CDH23: variants seen among roughly 807,000 people sequenced by gnomAD.
The protein encoded by CDH23 is cadherin related 23.
A neutral mutation model predicts 317.1 loss-of-function variants in CDH23; 189 were observed. The ratio of observed to expected loss-of-function variants is 0.60; its 90% CI spans 0.53 to 0.67. The LOEUF is 0.67. CDH23 is among the 30% of genes least tolerant of loss of function. The pLI is 0.00. For synonymous variants in CDH23, 1,839 were observed against 1,876.8 expected (o/e 0.98, Z 0.52); for missense variants, 4,401 against 4,592.4 (o/e 0.96, Z 1.20).
At chr10:71,454,411 T>C (rs933369125) in intron 3 of CDH23, among the ~76,000 whole-genome samples, 1 of 152,226 alleles carries the variant, frequency 6.6e-6, no homozygotes, top group African/African-American at 2.4e-5. Context: ...TCAGACAAGC[T>C]TCCTGGTTGC....
chr10:71,713,089 C>T (rs1488901585), intron 28 of CDH23: 1 of 761,022 alleles, frequency 1.3e-6, no homozygotes, highest in South Asian at 1.4e-5. Context: ...CCCGCCCCAC[C>T]CAGAAGGGCC....
At chr10:71,742,123 A>G in intron 38 of CDH23, 1 of 589,592 alleles carries the variant, frequency 1.7e-6, no homozygotes, top group Non-Finnish European at 3.0e-6. Context: ...CTGGGGTGCT[A>G]GTTTGGCCTC....
chr10:71,746,291 C>T (rs531943154), intron 38 of CDH23, among the ~76,000 whole-genome samples: 2 of 152,332 alleles, frequency 1.3e-5, no homozygotes, highest in East Asian at 1.9e-4. Flanking sequence ...TAAGACCCTC[C>T]CCAGAGCCAA....
intron 3 of CDH23, among the ~76,000 whole-genome samples, chr10:71,450,101 G>A (rs528840684): frequency 6.6e-6 from 1 of 152,262 alleles, no homozygotes; most frequent in East Asian, 1.9e-4. Flanking sequence ...GGAATGCGTG[G>A]AGTGGCGTGA....
chr10:71,813,904 CA>C (rs1029836674), intron 69 of CDH23, among the ~76,000 whole-genome samples: 2 of 149,656 alleles, frequency 1.3e-5, no homozygotes, highest in African/African-American at 4.9e-5. Flanking sequence ...AGACTTGTCT[CA>C]AAAAAAAAGG....
At chr10:71,653,322 G>A (rs1863267721) in intron 14 of CDH23, among the ~76,000 whole-genome samples, 1 of 152,174 alleles carries the variant, frequency 6.6e-6, no homozygotes. Context: ...AATCCTGGAG[G>A]ACTTCAAATG....
intron 3 of CDH23, among the ~76,000 whole-genome samples, chr10:71,486,525 G>A (rs1203878138): frequency 6.6e-6 from 1 of 152,158 alleles, no homozygotes; most frequent in Non-Finnish European, 1.5e-5. Flanking sequence ...TCAGCTGCAA[G>A]TAATGTGGCA....
intron 38 of CDH23, chr10:71,752,064 G>A: frequency 2.8e-6 from 2 of 706,912 alleles, no homozygotes; most frequent in East Asian, 2.7e-5. Context: ...CCTGAGCTGA[G>A]GGCATCAGGG....
chr10:71,794,468 T>C (rs1841350744), intron 48 of CDH23: 1 of 152,258 alleles, frequency 6.6e-6, no homozygotes, highest in Non-Finnish European at 1.5e-5. Context: ...ATGTATGTAG[T>C]TTATTGTAAT....
At chr10:71,747,089 A>T (rs761807910) in intron 38 of CDH23, among the ~76,000 whole-genome samples, 1 of 151,982 alleles carries the variant, frequency 6.6e-6, no homozygotes, top group East Asian at 1.9e-4. Flanking sequence ...GTACATCCAG[A>T]CCCTTCCCTT....
chr10:71,781,352 T>C (rs1404313412), intron 41 of CDH23, among the ~76,000 whole-genome samples: 1 of 152,230 alleles, frequency 6.6e-6, no homozygotes, highest in Non-Finnish European at 1.5e-5. Flanking sequence ...GGCCAAGCAC[T>C]AGGCCTTCCT....
In CDH23 at chr10:71,809,324, A is replaced by G. The variant is rs149565802; in HGVS notation, c.8723-496A>G. On this transcript the variant is annotated intron_variant, in intron 60 of 69. Coordinates refer to ENST00000224721, the MANE Select transcript of CDH23 (RefSeq NM_022124.6). ...CTGCCAAGTAGCTGGGATTAGGTGC[A>G]TGCACCACCATGCCTGGCTAGATTT... 1.1e-4 allele frequency among the ~76,000 whole-genome samples: 16 copies of G among 151,866 alleles called. No homozygotes were observed. In the East Asian group the frequency reaches 3.1e-3, roughly 29 times the overall value.
chr10:71,627,489 C>A (rs946889490), intron 11 of CDH23, among the ~76,000 whole-genome samples: 2 of 152,190 alleles, frequency 1.3e-5, no homozygotes, highest in African/African-American at 4.8e-5. Context: ...GTGGCCTCTG[C>A]CATGAGTCAG....
At chr10:71,589,781 T>C (rs1422966741) in intron 9 of CDH23, among the ~76,000 whole-genome samples, 1 of 152,216 alleles carries the variant, frequency 6.6e-6, no homozygotes, top group Admixed American at 6.5e-5. Flanking sequence ...GGAACCCACA[T>C]TGGGAAAGGT....
At chr10:71,758,302 T>G (rs975016337) in intron 38 of CDH23, among the ~76,000 whole-genome samples, 2 of 152,192 alleles carry the variant, frequency 1.3e-5, no homozygotes, top group Admixed American at 6.5e-5. Context: ...TAGGTCCTCG[T>G]GCATGTCCTC....
intron 27 of CDH23, among the ~76,000 whole-genome samples, 167 bp downstream of exon 27, chr10:71,709,378 G>T (rs1320777187): frequency 6.6e-6 from 1 of 152,234 alleles, no homozygotes; most frequent in Non-Finnish European, 1.5e-5. Context: ...CGGGCATGAG[G>T]CTCACTGCAT....
intron 18 of CDH23, among the ~76,000 whole-genome samples, chr10:71,684,112 A>AC (rs1039922035): frequency 1.6e-3 from 239 of 149,788 alleles, no homozygotes; most frequent in East Asian, 2.0e-3. Context: ...AACAACAACA[A>AC]AAAAAAACGG....
chr10:71,445,115 C>T (rs191689548), intron 2 of CDH23, among the ~76,000 whole-genome samples: 5 of 152,320 alleles, frequency 3.3e-5, no homozygotes, highest in South Asian at 2.1e-4. Context: ...CAGAGCAGCA[C>T]GTGGTTAACA....
At chr10:71,718,225 G>T (rs1308202491) in intron 28 of CDH23, among the ~76,000 whole-genome samples, 2 of 152,178 alleles carry the variant, frequency 1.3e-5, no homozygotes, top group Non-Finnish European at 1.5e-5. Context: ...GTAGTGGGGA[G>T]GGGAGTGGGC....
Sources: allele counts gnomAD v4.1 joint callset (sites outside exome capture counted in the v4.1 genomes callset), GRCh38; gene constraint gnomAD v4.1.1; transcripts MANE v1.5; gene names NCBI Gene and HGNC (gene_info 2026-07-23, HGNC 2026-07-21).